Variants in ZNF93 observed in about 807,000 individuals in gnomAD.
ZNF93 encodes zinc finger protein 505.
Under a neutral mutation model 45.0 loss-of-function variants are expected in ZNF93, and 29 were observed. The observed-to-expected ratio is 0.64, with a 90% CI of 0.48 to 0.88. ZNF93 has a LOEUF of 0.88. Ranked by LOEUF, ZNF93 falls within the 40% of genes least tolerant of loss-of-function variation. The probability of loss-of-function intolerance (pLI) is 0.00; values close to 1 mark genes in which losing one functional copy is unlikely to be tolerated. For missense variants in ZNF93, 578 were observed against 724.0 expected, an observed-to-expected ratio of 0.80 and a Z score of 2.31; for synonymous variants, 223 against 244.6, an observed-to-expected ratio of 0.91 and a Z score of 0.82.
chr19:19,925,261 G>A (rs750205165), intron 3 of ZNF93, among the ~76,000 whole-genome samples: 2 of 152,088 alleles, frequency 1.3e-5, no homozygotes, highest in Admixed American at 6.6e-5. Flanking sequence ...CTCCCTCCCC[G>A]GATCTCAAAT....
intron 3 of ZNF93, chr19:19,931,978 T>C (rs919248692): frequency 5.1e-6 from 2 of 390,334 alleles, no homozygotes; most frequent in Non-Finnish European, 9.9e-6. Flanking sequence ...GTTATTGATA[T>C]AAAAATTATT....
chr19:19,926,646 C>A (rs1422415135), intron 3 of ZNF93, among the ~76,000 whole-genome samples: 1 of 151,954 alleles, frequency 6.6e-6, no homozygotes, highest in African/African-American at 2.4e-5. Flanking sequence ...AGCCACTGCA[C>A]CCAGCCTCAT....
chr19:19,914,464 G>T (rs2063317998), intron 1 of ZNF93, among the ~76,000 whole-genome samples: 1 of 152,104 alleles, frequency 6.6e-6, no homozygotes, highest in African/African-American at 2.4e-5. Context: ...TATTTGGGAG[G>T]AATATTTCAA....
At chr19:19,923,188 C>T (rs145936215) in intron 3 of ZNF93, among the ~76,000 whole-genome samples, 2,065 of 152,288 alleles carry the variant, frequency 0.014, 22 homozygotes, top group Non-Finnish European at 0.017. Flanking sequence ...TTGGAGTTTG[C>T]TGGAGGTCCA....
intron 1 of ZNF93, among the ~76,000 whole-genome samples, chr19:19,911,158 C>G (rs1313677849): frequency 6.6e-6 from 1 of 152,168 alleles, no homozygotes; most frequent in Non-Finnish European, 1.5e-5. Context: ...GCTAGCAAAT[C>G]AGAATGGGTG....
At chr19:19,912,073 T>A (rs2063310265) in intron 1 of ZNF93, among the ~76,000 whole-genome samples, 1 of 152,142 alleles carries the variant, frequency 6.6e-6, no homozygotes, top group South Asian at 2.1e-4. Context: ...TCTTTTACCT[T>A]GCTAACTGTA....
At chr19:19,920,429 C>T (rs1346170872) in intron 3 of ZNF93, among the ~76,000 whole-genome samples, 1 of 152,016 alleles carries the variant, frequency 6.6e-6, no homozygotes, top group Non-Finnish European at 1.5e-5. Flanking sequence ...TGTGTCTCTG[C>T]CAGGCTTTGG....
At chr19:19,930,608 G>T (rs548582594) in intron 3 of ZNF93, among the ~76,000 whole-genome samples, 1 of 148,896 alleles carries the variant, frequency 6.7e-6, no homozygotes, top group African/African-American at 2.5e-5. Flanking sequence ...GAGCCCTCTG[G>T]TGGCCTTGTC....
chr19:19,903,054 CTGACGA>C (rs957627784), intron 1 of ZNF93, among the ~76,000 whole-genome samples: 1 of 152,102 alleles, frequency 6.6e-6, no homozygotes, highest in Non-Finnish European at 1.5e-5. Flanking sequence ...GAGGATCTTA[CTGACGA>C]TGAAGTTGTT....
In ZNF93 at chr19:19,934,657, A is replaced by G. The variant is rs1330326437; in HGVS notation, c.1702A>G (p.Arg568Gly). The change falls in exon 4 of 4, where the codon AGA becomes GGA. Residue 568 changes from arginine to glycine, a missense_variant. Physicochemically the swap from Arg to Gly is moderately radical, Grantham distance 125 (BLOSUM62 -2). Transcript: ENST00000343769. ...LHTGEKPYRC[R>G]ECGKAFNHSA... ...TACTGGAGAGAAACCTTATAGATGT[A>G]GAGAATGTGGCAAAGCTTTTAACCA... The G allele has an allele frequency of 1.2e-6, 2 of 1,613,132 alleles. No individual in the cohort carries two copies. The highest frequency in any genetic ancestry group is 2.7e-5 in the African/African-American group (2 of 74,786).
In ZNF93 at chr19:19,934,969, A is replaced by G; in HGVS notation, c.*151A>G. The G allele has an allele frequency of 1.2e-6, 1 of 816,446 alleles. No homozygotes were observed. Among genetic ancestry groups the G allele is most frequent in the Non-Finnish European group, 1.9e-6 (1 of 538,676 alleles). 50.6% of individuals were successfully genotyped at this position (816,446 alleles called of 1,614,324 possible). A position where few individuals can be genotyped will look rare whatever the true frequency, so the allele number is the denominator to read the frequency against. ...TTCGGAGACCTGGAGGAAGTGGCCC[A>G]TTTACAGCCATGTAGGCAGGCCTGC... On this transcript the variant is annotated 3_prime_UTR_variant, in exon 4 of 4. Coordinates refer to ENST00000343769, the MANE Select transcript of ZNF93 (RefSeq NM_031218.4).
rs576225285 is a variant in ZNF93 at position 19,907,303 on chromosome 19, C to T, written c.3+6212C>T. Among the ~76,000 whole-genome samples, 7 of 152,052 alleles carry T rather than the reference C, an allele frequency of 4.6e-5. No homozygotes were observed. In the East Asian group the frequency reaches 7.7e-4, roughly 17 times the overall value. On this transcript the variant is annotated intron_variant, in intron 1 of 3. Transcript: ENST00000343769. ...AAAATAGGATTAAATTTAGCAATAC[C>T]GAATGATAAAGACTAAAAGATACTA...
At chr19:19,920,290 A>G (rs902731437) in intron 3 of ZNF93, among the ~76,000 whole-genome samples, 8 of 152,304 alleles carry the variant, frequency 5.3e-5, no homozygotes, top group African/African-American at 1.7e-4. Flanking sequence ...CTGGCATCCC[A>G]GGGATGAAGC....
intron 3 of ZNF93, 47 bp from the exon 4 acceptor site, chr19:19,933,135 A>T (rs757564800): frequency 7.3e-7 from 1 of 1,377,560 alleles, no homozygotes; most frequent in Non-Finnish European, 9.7e-7. Context: ...AAGTATATTT[A>T]TCTGAGTCTA....
At chr19:19,912,823 A>G (rs1402344685) in intron 1 of ZNF93, among the ~76,000 whole-genome samples, 1 of 152,234 alleles carries the variant, frequency 6.6e-6, no homozygotes, top group African/African-American at 2.4e-5. Flanking sequence ...ATTAAATCAT[A>G]TAATGTGTTA....
chr19:19,930,905 C>T (rs1469684573), intron 3 of ZNF93, among the ~76,000 whole-genome samples: 2 of 151,936 alleles, frequency 1.3e-5, no homozygotes, highest in Non-Finnish European at 2.9e-5. Flanking sequence ...GCTTGCTGCC[C>T]ACAATATAAT....
At chr19:19,913,222 CA>C (rs748417227) in intron 1 of ZNF93, among the ~76,000 whole-genome samples, 3 of 152,194 alleles carry the variant, frequency 2.0e-5, no homozygotes, top group Non-Finnish European at 4.4e-5. Context: ...CCACAATTAT[CA>C]AGTGATTTAT....
intron 3 of ZNF93, among the ~76,000 whole-genome samples, chr19:19,924,480 T>C (rs1186714046): frequency 6.6e-6 from 1 of 152,222 alleles, no homozygotes; most frequent in Non-Finnish European, 1.5e-5. Flanking sequence ...ACAATATAGT[T>C]TTGTATTGGT....
chr19:19,905,761 T>G (rs2063291111), intron 1 of ZNF93, among the ~76,000 whole-genome samples: 1 of 149,880 alleles, frequency 6.7e-6, no homozygotes, highest in African/African-American at 2.4e-5. Context: ...CCTGGCCAAT[T>G]TTTTTTTTTT....
Sources: gnomAD v4.1 joint callset for allele counts (sites outside exome capture counted in the v4.1 genomes callset) on GRCh38, gnomAD v4.1.1 for gene constraint, MANE v1.5 for transcripts, NCBI Gene and HGNC (gene_info 2026-07-23, HGNC 2026-07-21) for gene names.